Variants in ZDHHC13 observed in about 807,000 individuals in gnomAD.
ZDHHC13 encodes zDHHC palmitoyltransferase 13, also known as palmitoyltransferase ZDHHC13.
ZDHHC13 carries 85 observed loss-of-function variants against 86.0 expected under a neutral mutation model. The ratio of observed to expected loss-of-function variants is 0.99; its 90% CI spans 0.83 to 1.18. The LOEUF (loss-of-function observed/expected upper bound fraction) is 1.18, where lower values mean the gene tolerates loss of function less well. Ranked by LOEUF, ZDHHC13 falls within the 50% of genes most tolerant of loss-of-function variation. The pLI is 0.00. For missense variants in ZDHHC13, 711 were observed against 730.2 expected (o/e 0.97, Z 0.30); for synonymous variants, 263 against 246.4 (o/e 1.07, Z -0.63).
intron 8 of ZDHHC13, among the ~76,000 whole-genome samples, chr11:19,153,512 G>C (rs1849668362): frequency 6.6e-6 from 1 of 152,170 alleles, no homozygotes; most frequent in Non-Finnish European, 1.5e-5. Context: ...CACTGCTTTT[G>C]CATTAGGCAT....
At position 19,155,803 on chromosome 11, in the gene ZDHHC13, T is replaced by C; in HGVS notation, c.881T>C (p.Leu294Pro). Residue 294 changes from leucine (L) to proline (P), a missense_variant, in exon 9 of 17, where the codon CTG becomes CCG. Leu to Pro is a moderately conservative substitution (Grantham distance 98, BLOSUM62 -3). Coordinates refer to ENST00000446113, the MANE Select transcript of ZDHHC13 (RefSeq NM_019028.3). ...WRWLQKCELF[L>P]LLMLSVITMW... ...TTCTGAATCTCTTAATAGCTCTTCCTGCTGCTGATGCTTTCTGTGATTACC... is the reference window on the plus strand; with the variant it reads ...TTCTGAATCTCTTAATAGCTCTTCCCGCTGCTGATGCTTTCTGTGATTACC... 6.2e-7 allele frequency: 1 copy of C among 1,611,584 alleles called. No homozygotes were observed. Among genetic ancestry groups the C allele is most frequent in the Non-Finnish European group, 8.5e-7 (1 of 1,179,482 alleles).
Position 19,143,118 on chromosome 11 carries a change from T to TACTC in ZDHHC13, c.170_173dup (p.Gln58HisfsTer7), listed in dbSNP as rs1849368894. Reference sequence around the variant, plus strand: ...CTAGTAACTGTGACATTGTCAAAGCTACTCAGTAAGTCTTCCAAATGCTTT... The same window carrying TACTC: ...CTAGTAACTGTGACATTGTCAAAGCTACTCACTCAGTAAGTCTTCCAAATGCTTT... On this transcript the variant is annotated frameshift_variant, in exon 2 of 17. Transcript: ENST00000446113. LOFTEE classifies it high-confidence loss of function. The TACTC allele has an allele frequency of 6.2e-7, 1 of 1,611,574 alleles. No homozygotes were observed. The highest frequency in any genetic ancestry group is 8.5e-7 in the Non-Finnish European group (1 of 1,178,528).
chr11:19,142,609 C>G (rs150445564), intron 1 of ZDHHC13, among the ~76,000 whole-genome samples: 1 of 152,162 alleles, frequency 6.6e-6, no homozygotes, highest in Non-Finnish European at 1.5e-5. Context: ...TAACAAGGTC[C>G]ATTTGTGCCT....
chr11:19,117,231 G>T lies in ZDHHC13; in HGVS notation c.-19G>T, dbSNP rs1330158685. The T allele has an allele frequency of 3.3e-6, 5 of 1,527,600 alleles. No homozygotes were observed. The Admixed American group carries it at 9.9e-5, about 30-fold the overall frequency. 94.6% of individuals were successfully genotyped at this position (1,527,600 alleles called of 1,614,324 possible). On this transcript the variant is annotated 5_prime_UTR_variant, in exon 1 of 17. Transcript: ENST00000446113. The surrounding 1 kb of genome is among the most constrained non-coding windows in gnomAD (Gnocchi z 4.2). ...CGCTACTTGCCTAGTAGCCTCAGCC[G>T]CTGTGGGCTCCTGGGGAGATGGAGG... is the stretch of plus-strand genomic sequence containing the variant.
chr11:19,122,075 A>T (rs1848770109), intron 1 of ZDHHC13, among the ~76,000 whole-genome samples: 1 of 152,202 alleles, frequency 6.6e-6, no homozygotes, highest in South Asian at 2.1e-4. Flanking sequence ...CTTGCTTCAC[A>T]GAAAACTTCA....
At position 19,142,844 on chromosome 11, in the gene ZDHHC13, C is replaced by T. The variant is rs562144193; in HGVS notation, c.28-134C>T. 2.7e-5 allele frequency: 26 copies of T among 970,750 alleles called. 1 individual carries two copies. In the South Asian group the frequency reaches 6.2e-4, roughly 23 times the overall value. 60.1% of individuals were successfully genotyped at this position (970,750 alleles called of 1,614,324 possible). A position where few individuals can be genotyped will look rare whatever the true frequency, so the allele number is the denominator to read the frequency against. ...CCGCCTCCTGGGTTCAAGTCATTCT[C>T]AGGATACACTTCTAAAACTCCAAAA... On this transcript the variant is annotated intron_variant, in intron 1 of 16. Coordinates refer to ENST00000446113, the MANE Select transcript of ZDHHC13 (RefSeq NM_019028.3).
chr11:19,146,441 C>T lies in ZDHHC13; in HGVS notation c.296+138C>T, dbSNP rs1015064402. On this transcript the variant is annotated intron_variant, in intron 3 of 16. Transcript: ENST00000446113. ...CACCCGAAACTTTTTCTGCCACACA[C>T]GTTGGTTATTATAAAGTTGAAAGGG... is the stretch of plus-strand genomic sequence containing the variant. The T allele has an allele frequency of 8.6e-6, 9 of 1,042,092 alleles. No homozygotes were observed. In the South Asian group the frequency reaches 1.3e-4, roughly 15 times the overall value. 64.6% of individuals were successfully genotyped at this position (1,042,092 alleles called of 1,614,324 possible). A position where few individuals can be genotyped will look rare whatever the true frequency, so the allele number is the denominator to read the frequency against.
Position 19,134,487 on chromosome 11 carries a change from G to C in ZDHHC13, c.28-8491G>C, listed in dbSNP as rs531915189. ...GCCCATCAATGACAGACTGGATAAAGAAAATGTGGCACATATTCACCATGG... is the reference window on the plus strand; with the variant it reads ...GCCCATCAATGACAGACTGGATAAACAAAATGTGGCACATATTCACCATGG... On this transcript the variant is annotated intron_variant, in intron 1 of 16. Transcript: ENST00000446113. Among the ~76,000 whole-genome samples the C allele has an allele frequency of 3.3e-5, 5 of 152,290 alleles. No individual in the cohort carries two copies. In the South Asian group the frequency reaches 8.3e-4, roughly 25 times the overall value.
intron 8 of ZDHHC13, 74 bp downstream of exon 8, chr11:19,152,758 C>T: frequency 6.3e-7 from 1 of 1,594,262 alleles, no homozygotes; most frequent in Non-Finnish European, 8.6e-7. Context: ...ATTAAGGCAT[C>T]AGAGGAAACC....
At chr11:19,173,328 C>A (rs528341680) in intron 16 of ZDHHC13, among the ~76,000 whole-genome samples, 3 of 152,138 alleles carry the variant, frequency 2.0e-5, no homozygotes, top group Non-Finnish European at 4.4e-5. Flanking sequence ...CCCCCTGGAG[C>A]ATTTGGTTGT....
chr11:19,171,060 C>T (rs764431939), intron 15 of ZDHHC13, among the ~76,000 whole-genome samples: 10 of 152,118 alleles, frequency 6.6e-5, no homozygotes, highest in East Asian at 1.9e-4. Context: ...GTTTTTCCAG[C>T]GCTGTTTGTT....
At chr11:19,168,882 C>A (rs1309329755) in intron 14 of ZDHHC13, 2 of 985,164 alleles carry the variant, frequency 2.0e-6, no homozygotes, top group African/African-American at 3.5e-5. Context: ...CTACAAGTTA[C>A]AGAAAGAAAG....
At chr11:19,139,732 A>G (rs1849254816) in intron 1 of ZDHHC13, among the ~76,000 whole-genome samples, 1 of 146,922 alleles carries the variant, frequency 6.8e-6, no homozygotes, top group African/African-American at 2.5e-5. Flanking sequence ...GATCAATGGA[A>G]CAGAACAGAG....
chr11:19,145,149 A>G (rs751352622), intron 2 of ZDHHC13, among the ~76,000 whole-genome samples: 3 of 152,084 alleles, frequency 2.0e-5, no homozygotes, highest in Admixed American at 6.5e-5. Flanking sequence ...TTGCCTCTTT[A>G]TTCTCTATGA....
intron 16 of ZDHHC13, among the ~76,000 whole-genome samples, chr11:19,174,053 G>A (rs1850293855): frequency 6.6e-6 from 1 of 152,122 alleles, no homozygotes; most frequent in African/African-American, 2.4e-5. Flanking sequence ...TCTCCATGAG[G>A]GATATGTTCT....
At chr11:19,121,241 CA>C (rs549814802) in intron 1 of ZDHHC13, among the ~76,000 whole-genome samples, 231 of 152,276 alleles carry the variant, frequency 1.5e-3, no homozygotes, top group African/African-American at 5.2e-3. Flanking sequence ...CATTGCTAGT[CA>C]GGTGGTCCAG....
intron 1 of ZDHHC13, among the ~76,000 whole-genome samples, chr11:19,128,994 A>C (rs1184427062): frequency 1.3e-5 from 2 of 152,240 alleles, no homozygotes; most frequent in Non-Finnish European, 2.9e-5. Context: ...CACAAGAATG[A>C]AATAGCCTAA....
chr11:19,156,462 A>G (rs1458137334), intron 9 of ZDHHC13, among the ~76,000 whole-genome samples: 4 of 152,178 alleles, frequency 2.6e-5, no homozygotes, highest in Admixed American at 6.5e-5. Context: ...ATTCAAGTCA[A>G]GCTTTACCAC....
intron 9 of ZDHHC13, among the ~76,000 whole-genome samples, chr11:19,158,107 A>G (rs1849807894): frequency 6.6e-6 from 1 of 152,174 alleles, no homozygotes; most frequent in Non-Finnish European, 1.5e-5. Flanking sequence ...CATGTTGAGC[A>G]TCTAAAGTTT....
Sources: allele counts gnomAD v4.1 joint callset (sites outside exome capture counted in the v4.1 genomes callset), GRCh38; gene constraint gnomAD v4.1.1; non-coding constraint Gnocchi (gnomAD v3.1); transcripts MANE v1.5; gene names NCBI Gene and HGNC (gene_info 2026-07-23, HGNC 2026-07-21).